PDZRN4: variants seen among roughly 807,000 people sequenced by gnomAD.
PDZRN4 encodes the protein PDZ domain containing ring finger 4.
In PDZRN4, 70 loss-of-function variants were observed where a neutral mutation model predicts 99.0. The ratio of observed to expected loss-of-function variants is 0.71; its 90% CI spans 0.58 to 0.86. The LOEUF (loss-of-function observed/expected upper bound fraction) is 0.86, where lower values mean the gene tolerates loss of function less well. Ranked by LOEUF, PDZRN4 falls within the 40% of genes least tolerant of loss-of-function variation. The pLI, the probability that PDZRN4 is intolerant of heterozygous loss-of-function variation, is 0.00. For missense variants in PDZRN4, 1,474 were observed against 1,331.2 expected (o/e 1.11, Z -1.67); for synonymous variants, 551 against 501.6 (o/e 1.10, Z -1.32).
intron 3 of PDZRN4, among the ~76,000 whole-genome samples, chr12:41,195,685 G>A (rs935895085): frequency 1.3e-5 from 2 of 152,096 alleles, no homozygotes; most frequent in African/African-American, 2.4e-5. Flanking sequence ...CCGAGAAAGT[G>A]CAGACCTACT....
chr12:41,262,927 T>C (rs1218186001), intron 3 of PDZRN4, among the ~76,000 whole-genome samples: 1 of 152,024 alleles, frequency 6.6e-6, no homozygotes, highest in African/African-American at 2.4e-5. Flanking sequence ...TTTAGCCTGA[T>C]TTTTTAAGTA....
intron 3 of PDZRN4, among the ~76,000 whole-genome samples, chr12:41,478,111 T>G (rs550085533): frequency 6.6e-6 from 1 of 152,064 alleles, no homozygotes; most frequent in Non-Finnish European, 1.5e-5. Context: ...ATACATTAAA[T>G]TTTTTTGTTT....
At chr12:41,505,287 A>G (rs1212315157) in intron 3 of PDZRN4, among the ~76,000 whole-genome samples, 2 of 152,126 alleles carry the variant, frequency 1.3e-5, no homozygotes, top group Non-Finnish European at 2.9e-5. Flanking sequence ...GAGATGGTAT[A>G]GTTTCAGGGA....
At chr12:41,287,179 A>G (rs917391726) in intron 3 of PDZRN4, among the ~76,000 whole-genome samples, 1 of 152,218 alleles carries the variant, frequency 6.6e-6, no homozygotes, top group Non-Finnish European at 1.5e-5. Flanking sequence ...CACTTGGAGT[A>G]ACAGAAAGAC....
chr12:41,459,744 A>G (rs1350433), intron 3 of PDZRN4, among the ~76,000 whole-genome samples: 10,073 of 152,292 alleles, frequency 0.066, 810 homozygotes, highest in East Asian at 0.18. Flanking sequence ...TTGCCTTGCA[A>G]TAAACATCAA....
chr12:41,343,914 T>A (rs1951835457), intron 3 of PDZRN4, among the ~76,000 whole-genome samples: 1 of 152,064 alleles, frequency 6.6e-6, no homozygotes, highest in Non-Finnish European at 1.5e-5. Flanking sequence ...TCAATTTATG[T>A]AAAGATATCA....
At chr12:41,265,380 A>G (rs963862973) in intron 3 of PDZRN4, among the ~76,000 whole-genome samples, 15 of 152,330 alleles carry the variant, frequency 9.8e-5, no homozygotes, top group African/African-American at 3.6e-4. Context: ...CATAGATTTA[A>G]AGTTTTATTT....
At chr12:41,198,164 C>T (rs1950790380) in intron 3 of PDZRN4, among the ~76,000 whole-genome samples, 1 of 152,034 alleles carries the variant, frequency 6.6e-6, no homozygotes, top group Non-Finnish European at 1.5e-5. Flanking sequence ...GCGACCTGTC[C>T]ACCTTGACCT....
intron 3 of PDZRN4, among the ~76,000 whole-genome samples, chr12:41,283,185 A>G (rs1002000315): frequency 1.3e-5 from 2 of 152,200 alleles, no homozygotes; most frequent in Non-Finnish European, 2.9e-5. Context: ...AGGGGATATG[A>G]CCACTGTTCC....
chr12:41,459,156 T>G (rs1308488640), intron 3 of PDZRN4, among the ~76,000 whole-genome samples: 27 of 152,218 alleles, frequency 1.8e-4, no homozygotes, highest in Admixed American at 1.8e-3. Context: ...CAAAATAATG[T>G]CAGCACATTC....
intron 5 of PDZRN4, among the ~76,000 whole-genome samples, chr12:41,545,660 G>T (rs1389535668): frequency 6.6e-6 from 1 of 152,036 alleles, no homozygotes; most frequent in Non-Finnish European, 1.5e-5. Flanking sequence ...GGTTTACAGA[G>T]CATGAATGGA....
chr12:41,290,935 T>C (rs111954279), intron 3 of PDZRN4, among the ~76,000 whole-genome samples: 2,254 of 152,236 alleles, frequency 0.015, 58 homozygotes, highest in African/African-American at 0.052. Flanking sequence ...TATTTATCTC[T>C]TTCTAAATTG....
chr12:41,315,578 G>C (rs1951633001), intron 3 of PDZRN4, among the ~76,000 whole-genome samples: 1 of 151,930 alleles, frequency 6.6e-6, no homozygotes, highest in African/African-American at 2.4e-5. Flanking sequence ...TAATTCTTGT[G>C]ATTTTCTTTA....
chr12:41,299,960 A>C (rs1394444372), intron 3 of PDZRN4, among the ~76,000 whole-genome samples: 1 of 151,970 alleles, frequency 6.6e-6, no homozygotes, highest in African/African-American at 2.4e-5. Context: ...GACTTAGTGC[A>C]TATATCTTTA....
intron 9 of PDZRN4, among the ~76,000 whole-genome samples, chr12:41,569,268 C>T (rs563610697): frequency 1.3e-5 from 2 of 152,180 alleles, no homozygotes; most frequent in African/African-American, 4.8e-5. Context: ...TATAAGTGCA[C>T]GCCATCATGC....
intron 3 of PDZRN4, among the ~76,000 whole-genome samples, chr12:41,505,772 C>A (rs1938195997): frequency 6.6e-6 from 1 of 151,226 alleles, no homozygotes; most frequent in African/African-American, 2.4e-5. Context: ...ACATAATATA[C>A]CCATTCAGAG....
chr12:41,406,602 A>G (rs941559269), intron 3 of PDZRN4, among the ~76,000 whole-genome samples: 7 of 152,248 alleles, frequency 4.6e-5, no homozygotes, highest in African/African-American at 1.4e-4. Flanking sequence ...TTGCTTAAAA[A>G]GACAATTCAG....
chr12:41,333,337 A>C (rs763602325), intron 3 of PDZRN4, among the ~76,000 whole-genome samples: 1 of 152,036 alleles, frequency 6.6e-6, no homozygotes, highest in African/African-American at 2.4e-5. Context: ...GCAGCTTCTC[A>C]CTACCCTCAC....
At chr12:41,462,582 C>T (rs975833848) in intron 3 of PDZRN4, among the ~76,000 whole-genome samples, 2 of 152,138 alleles carry the variant, frequency 1.3e-5, no homozygotes, top group Admixed American at 1.3e-4. Context: ...TTTAGGAAGA[C>T]CTAGGAAGTG....
Sources: gnomAD v4.1 joint callset for allele counts (sites outside exome capture counted in the v4.1 genomes callset) on GRCh38, gnomAD v4.1.1 for gene constraint, MANE v1.5 for transcripts, NCBI Gene and HGNC (gene_info 2026-07-23, HGNC 2026-07-21) for gene names.